TUBE1: variants seen among roughly 807,000 people sequenced by gnomAD.
TUBE1 encodes the protein tubulin epsilon chain.
Under a neutral mutation model 53.5 loss-of-function variants are expected in TUBE1, and 34 were observed. That is an observed-to-expected ratio of 0.64 (90% confidence interval 0.48 to 0.85). The LOEUF is 0.85. Among genes scored for constraint, TUBE1 ranks in the 40% least tolerant of loss-of-function variants. TUBE1 has a pLI of 0.00. For synonymous variants in TUBE1, 177 were observed against 198.4 expected, an observed-to-expected ratio of 0.89 and a Z score of 0.91; for missense variants, 532 against 570.5, an observed-to-expected ratio of 0.93 and a Z score of 0.69.
At chr6:112,079,925 G>C (rs1329760284) in intron 5 of TUBE1, among the ~76,000 whole-genome samples, 171 bp from the exon 6 acceptor site, 1 of 151,352 alleles carries the variant, frequency 6.6e-6, no homozygotes, top group Non-Finnish European at 1.5e-5. Flanking sequence ...GAAGATACTA[G>C]ATAGAAAACT....
chr6:112,085,049 A>T (rs782416131), intron 3 of TUBE1, among the ~76,000 whole-genome samples: 1 of 152,218 alleles, frequency 6.6e-6, no homozygotes, highest in Admixed American at 6.5e-5. Context: ...TATGCCCACA[A>T]TCATGCTACA....
At chr6:112,083,439 C>T (rs918163586) in intron 4 of TUBE1, among the ~76,000 whole-genome samples, 40 of 151,844 alleles carry the variant, frequency 2.6e-4, no homozygotes, top group African/African-American at 9.0e-4. Flanking sequence ...CTGCCTCAGC[C>T]TCCCGAGCAG....
At chr6:112,084,608 C>T (rs1300288042) in intron 3 of TUBE1, among the ~76,000 whole-genome samples, 1 of 152,138 alleles carries the variant, frequency 6.6e-6, no homozygotes, top group African/African-American at 2.4e-5. Context: ...GAGAAGACTG[C>T]CATTTTATAG....
intron 9 of TUBE1, 71 bp downstream of exon 9, chr6:112,074,639 C>A: frequency 8.0e-7 from 1 of 1,250,718 alleles, no homozygotes; most frequent in Non-Finnish European, 1.0e-6. Context: ...TTATTGCAAA[C>A]TTTTTTCTCT....
rs1267636847 is a variant in TUBE1 at position 112,071,287 on chromosome 6, CTT to C, written c.*123_*124del. The C allele has an allele frequency of 3.0e-6, 3 of 986,158 alleles. No individual in the cohort carries two copies. Among genetic ancestry groups the C allele is most frequent in the Non-Finnish European group, 4.2e-6 (3 of 716,380 alleles). The allele number at this position is 986,158 out of a possible 1,614,324, so 61.1% of individuals were successfully genotyped here. ...AAATTGCGATTAAACAGAAATCACTCTTTTAGACAAAAATATTTCCCGATAAT... is the reference window on the plus strand; with the variant it reads ...AAATTGCGATTAAACAGAAATCACTCTTAGACAAAAATATTTCCCGATAAT... On this transcript the variant is annotated 3_prime_UTR_variant, in exon 12 of 12. Transcript: ENST00000368662.
At chr6:112,086,478 A>G (rs1777158586) in intron 3 of TUBE1, 78 bp downstream of exon 3, 2 of 1,074,526 alleles carry the variant, frequency 1.9e-6, no homozygotes. Flanking sequence ...GGCTATTTTT[A>G]TTGTCCTTTG....
chr6:112,087,150 G>T, intron 2 of TUBE1, 83 bp downstream of exon 2: 1 of 1,257,194 alleles, frequency 8.0e-7, no homozygotes. Context: ...CGGGTCAGAT[G>T]AAAGCTCAAG....
intron 10 of TUBE1, 21 bp downstream of exon 10, chr6:112,072,737 C>T (rs1554315525): frequency 1.2e-6 from 2 of 1,609,826 alleles, no homozygotes; most frequent in African/African-American, 2.7e-5. Flanking sequence ...CACAAATTAT[C>T]TTTAAAAATA....
At position 112,074,801 on chromosome 6, in the gene TUBE1, T is replaced by A; in HGVS notation, c.862A>T (p.Met288Leu). Residue 288 changes from methionine to leucine, a missense_variant, in exon 9 of 12, where the codon ATG (methionine) becomes TTG (leucine). Met to Leu is a conservative substitution (Grantham distance 15). Coordinates refer to ENST00000368662, the MANE Select transcript of TUBE1 (RefSeq NM_016262.5). ...SLNMDLNEIS[M>L]NLVPFPQLHY... Reference sequence around the variant, plus strand: ...AGTTGAGGAAAAGGAACTAAATTCATGCTGATTTCATTAAGGTCCATATTA... The same window carrying A: ...AGTTGAGGAAAAGGAACTAAATTCAAGCTGATTTCATTAAGGTCCATATTA... The A allele has an allele frequency of 1.2e-6, 2 of 1,608,502 alleles. No homozygotes were observed. The highest frequency in any genetic ancestry group is 8.5e-7 in the Non-Finnish European group (1 of 1,177,704).
chr6:112,080,100 G>A (rs1186518926), intron 5 of TUBE1, among the ~76,000 whole-genome samples: 2 of 151,738 alleles, frequency 1.3e-5, no homozygotes, highest in Admixed American at 1.3e-4. Context: ...TCCATTTAAG[G>A]CAAACTCTGA....
At position 112,071,408 on chromosome 6, in the gene TUBE1, T is replaced by C. The variant is rs1377393468; in HGVS notation, c.*4A>G. 3 of 1,490,084 alleles carry C rather than the reference T, an allele frequency of 2.0e-6. No homozygotes were observed. The highest frequency in any genetic ancestry group is 2.7e-6 in the Non-Finnish European group (3 of 1,107,530). 92.3% of individuals were successfully genotyped at this position (1,490,084 alleles called of 1,614,324 possible). Reference sequence around the variant, plus strand: ...TTAAGAAAGTATTTTTGAGGGTTTCTTTTTCACATAGCTATGCTTAGTCTG... The same window carrying C: ...TTAAGAAAGTATTTTTGAGGGTTTCCTTTTCACATAGCTATGCTTAGTCTG... On this transcript the variant is annotated 3_prime_UTR_variant, in exon 12 of 12. Transcript: ENST00000368662.
chr6:112,086,200 CT>C (rs1423261659), intron 3 of TUBE1, among the ~76,000 whole-genome samples: 2 of 151,772 alleles, frequency 1.3e-5, no homozygotes, highest in Non-Finnish European at 2.9e-5. Context: ...TGCTTGTCAC[CT>C]TTTTAAGTAT....
intron 8 of TUBE1, 191 bp downstream of exon 8, chr6:112,075,746 T>G: frequency 4.0e-6 from 2 of 505,642 alleles, no homozygotes; most frequent in Non-Finnish European, 6.9e-6. Flanking sequence ...CCATGGAACA[T>G]ACTTGGGGAA....
At chr6:112,079,481 TA>T in intron 6 of TUBE1, 151 bp downstream of exon 6, 1 of 557,856 alleles carries the variant, frequency 1.8e-6, no homozygotes, top group Non-Finnish European at 2.9e-6. Context: ...AATTTTAAGA[TA>T]AAAAGGTGTA....
Position 112,076,003 on chromosome 6 carries a change from T to C in TUBE1, c.746A>G (p.Lys249Arg). 6.2e-7 allele frequency: 1 copy of C among 1,613,868 alleles called. No individual in the cohort carries two copies. Among genetic ancestry groups the C allele is most frequent in the Non-Finnish European group, 8.5e-7 (1 of 1,179,876 alleles). The change falls in exon 8 of 12, where the codon AAG becomes AGG. Residue 249 changes from lysine (K) to arginine (R), a missense_variant. Transcript: ENST00000368662. ...TGCATCAAAGGGCTTCTTATGCTGC[T>C]TTTTTAAAGCCCCAGAACTTGAAGT... ...LVTSSSGALK[K>R]QHKKPFDAMN... is the part of the protein sequence containing the mutation.
intron 8 of TUBE1, 55 bp from the exon 9 acceptor site, chr6:112,074,905 A>G: frequency 8.0e-7 from 1 of 1,257,026 alleles, no homozygotes. Context: ...TATACACTTT[A>G]AATGTAGCTC....
At position 112,076,066 on chromosome 6, in the gene TUBE1, C is replaced by G; in HGVS notation, c.683G>C (p.Gly228Ala). 6.2e-7 allele frequency: 1 copy of G among 1,613,428 alleles called. No individual in the cohort carries two copies. Among genetic ancestry groups the G allele is most frequent in the Non-Finnish European group, 8.5e-7 (1 of 1,179,772 alleles). The part of the protein sequence containing the change: ...ISKIDLMVNS[G>A]KLGTTVKPKS... ...TGGCTTCACAGTTGTACCCAACTTT[C>G]CAGAATTCACCATGAGGTCGATTTT... The change falls in exon 8 of 12, where the codon GGA becomes GCA. Residue 228 changes from glycine (G) to alanine (A), a missense_variant. Gly to Ala is a moderately conservative substitution (Grantham distance 60). Coordinates refer to ENST00000368662, the MANE Select transcript of TUBE1 (RefSeq NM_016262.5).
In TUBE1 at chr6:112,087,477, G is replaced by A. The variant is rs1554317609; in HGVS notation, c.-43C>T. The A allele has an allele frequency of 4.5e-6, 7 of 1,546,138 alleles. No individual in the cohort carries two copies. Among genetic ancestry groups the A allele is most frequent in the East Asian group, 2.4e-5 (1 of 40,822 alleles). On this transcript the variant is annotated 5_prime_UTR_variant, in exon 1 of 12. Transcript: ENST00000368662. ...TCCGGGAGCTTGCTAGCCCGCGGCC[G>A]CTTCTGCATTCCCCCAGCAACGGCG... is the stretch of plus-strand genomic sequence containing the variant.
In TUBE1 at chr6:112,075,954, C is replaced by A; in HGVS notation, c.795G>T (p.Leu265Phe). The A allele has an allele frequency of 6.2e-7, 1 of 1,610,526 alleles. No individual in the cohort carries two copies. Among genetic ancestry groups the A allele is most frequent in the Non-Finnish European group, 8.5e-7 (1 of 1,177,984 alleles). The change falls in exon 8 of 12, where the codon TTG becomes TTT. Residue 265 changes from leucine to phenylalanine, a missense_variant. Leu to Phe is a conservative substitution (Grantham distance 22). Transcript: ENST00000368662. ...AGAATTACCTCGTTAGGTTGAGGAG[C>A]AAATTTGCCACAATGTTATTCATTG... ...FDAMNNIVANLLLNLTSSARF... is the reference protein window; with the variant it reads ...FDAMNNIVANFLLNLTSSARF...
Sources: gnomAD v4.1 joint callset for allele counts (sites outside exome capture counted in the v4.1 genomes callset) on GRCh38, gnomAD v4.1.1 for gene constraint, MANE v1.5 for transcripts, NCBI Gene and HGNC (gene_info 2026-07-23, HGNC 2026-07-21) for gene names.